Variants in TRIML2 observed in about 807,000 individuals in gnomAD.
The protein encoded by TRIML2 is probable E3 ubiquitin-protein ligase TRIML2.
A neutral mutation model predicts 31.2 loss-of-function variants in TRIML2; 28 were observed. That is an observed-to-expected ratio of 0.90 (90% CI 0.66 to 1.23). The LOEUF (loss-of-function observed/expected upper bound fraction) is 1.23, where lower values mean the gene tolerates loss of function less well. Ranked by LOEUF, TRIML2 falls within the 50% of genes most tolerant of loss-of-function variation. TRIML2 has a pLI of 0.00. For missense variants in TRIML2, 536 were observed against 528.3 expected (o/e 1.01, Z -0.14); for synonymous variants, 187 against 197.5 (o/e 0.95, Z 0.45).
intron 5 of TRIML2, 82 bp downstream of exon 5, chr4:188,098,953 C>A: frequency 1.3e-6 from 2 of 1,485,458 alleles, no homozygotes; most frequent in Non-Finnish European, 9.1e-7. Flanking sequence ...TGTGTTCTGA[C>A]AGCAACCCCT....
chr4:188,104,921 C>T lies in TRIML2; in HGVS notation c.201G>A (p.Gln67=). The change falls in exon 3 of 8, where the codon CAG becomes CAA. Residue 67 remains glutamine, a synonymous_variant. Transcript: ENST00000682553. ...TCTCCCTCGATGTGTTCAATATTTCCTGGAATAACTTCTATAGAGAAAGCA... is the reference window on the plus strand; with the variant it reads ...TCTCCCTCGATGTGTTCAATATTTCTTGGAATAACTTCTATAGAGAAAGCA... ...EAAENYRKLF[Q]EILNTSREKL... is the part of the protein sequence containing the mutation. 3.7e-6 allele frequency: 6 copies of T among 1,613,494 alleles called. No individual in the cohort carries two copies. Among genetic ancestry groups the T allele is most frequent in the Non-Finnish European group, 4.2e-6 (5 of 1,179,554 alleles).
Position 188,105,256 on chromosome 4 carries a change from CAG to C in TRIML2, c.111_112del (p.Cys38GlnfsTer22), listed in dbSNP as rs747458824. On this transcript the variant is annotated frameshift_variant, in exon 2 of 8. Coordinates refer to ENST00000682553, the MANE Select transcript of TRIML2 (RefSeq NM_173553.4). LOFTEE classifies it high-confidence loss of function. ...CTCCTGGGACTGGAAGCATTTGCTG[CAG>C]AGTGTGATTTGGTCAACATCACAGA... The C allele has an allele frequency of 1.2e-6, 2 of 1,612,502 alleles. No homozygotes were observed. The highest frequency in any genetic ancestry group is 1.7e-6 in the Non-Finnish European group (2 of 1,178,740).
intron 7 of TRIML2, 111 bp from the exon 8 acceptor site, chr4:188,092,052 C>G: frequency 4.4e-6 from 5 of 1,130,934 alleles, no homozygotes; most frequent in Non-Finnish European, 6.2e-6. Context: ...GTCCCAGGCC[C>G]AGATACGGGA....
intron 6 of TRIML2, 33 bp from the exon 7 acceptor site, chr4:188,097,194 CA>C: frequency 6.2e-7 from 1 of 1,603,886 alleles, no homozygotes; most frequent in East Asian, 2.2e-5. Context: ...GTCATCTGCA[CA>C]GACCACAGGC....
intron 2 of TRIML2, 120 bp downstream of exon 2, chr4:188,105,060 T>C (rs1733968532): frequency 8.5e-6 from 12 of 1,405,006 alleles, no homozygotes; most frequent in African/African-American, 1.4e-5. Context: ...AACGAACTTA[T>C]CTAATATTCT....
rs1733390289 is a variant in TRIML2 at position 188,094,096 on chromosome 4, A to C, written c.746-2155T>G. ...ACAGAGCCAGACAGCATCTCAAAAA[A>C]CAAAAACAAAAACAAAAACAAAAAC... On this transcript the variant is annotated intron_variant, in intron 7 of 7. Transcript: ENST00000682553. Among the ~76,000 whole-genome samples, 4 of 131,514 alleles carry C rather than the reference A, an allele frequency of 3.0e-5. No homozygotes were observed. In the South Asian group the frequency reaches 7.2e-4, roughly 24 times the overall value. 86.3% of individuals were successfully genotyped at this position (131,514 alleles called of 152,430 possible).
intron 5 of TRIML2, chr4:188,098,197 A>T (rs1402503589): frequency 2.3e-6 from 1 of 436,066 alleles, no homozygotes; most frequent in Non-Finnish European, 4.6e-6. Context: ...AAAATATGCA[A>T]TACTTACCAT....
chr4:188,103,747 G>A (rs986086526), intron 3 of TRIML2, among the ~76,000 whole-genome samples: 1 of 152,080 alleles, frequency 6.6e-6, no homozygotes, highest in Non-Finnish European at 1.5e-5. Flanking sequence ...CAAGTTCCAC[G>A]AAAGCAGAGC....
intron 5 of TRIML2, 131 bp downstream of exon 5, chr4:188,098,904 T>G (rs1733645550): frequency 9.3e-6 from 10 of 1,070,758 alleles, no homozygotes; most frequent in Non-Finnish European, 1.3e-6. Flanking sequence ...TGAAAGAAAG[T>G]CATGTAGCCT....
In TRIML2 at chr4:188,095,939, G is replaced by T. The variant is rs139478333; in HGVS notation, c.745+1122C>A. Among the ~76,000 whole-genome samples the T allele has an allele frequency of 5.6e-3, 849 of 152,306 alleles. 10 individuals carry two copies. The highest frequency in any genetic ancestry group is 0.034 in the Middle Eastern group (10 of 294). On this transcript the variant is annotated intron_variant, in intron 7 of 7. Transcript: ENST00000682553. ...TGCAGTATGCTGTCAGCCTCGAAAGGCCACACACTGTAGGATTCCATCGAT... is the reference window on the plus strand; with the variant it reads ...TGCAGTATGCTGTCAGCCTCGAAAGTCCACACACTGTAGGATTCCATCGAT...
At position 188,091,697 on chromosome 4, in the gene TRIML2, G is replaced by A. The variant is rs763513446; in HGVS notation, c.990C>T (p.Ser330=). 6.2e-7 allele frequency: 1 copy of A among 1,613,238 alleles called. No individual in the cohort carries two copies. Among genetic ancestry groups the A allele is most frequent in the Non-Finnish European group, 8.5e-7 (1 of 1,179,254 alleles). The change falls in exon 8 of 8, where the codon AGC becomes AGT. Residue 330 remains serine (S), a synonymous_variant. Coordinates refer to ENST00000682553, the MANE Select transcript of TRIML2 (RefSeq NM_173553.4). ...CTTTCTCTCCGGAAGCTCTGGCCGT[G>A]CTGCCCTTCGCGTCTGCAGAGCCGT... ...IYHGSADAKG[S]TARASGEKVL... is the part of the protein sequence containing the mutation.
At chr4:188,098,456 C>G (rs527752477) in intron 5 of TRIML2, among the ~76,000 whole-genome samples, 1 of 152,184 alleles carries the variant, frequency 6.6e-6, no homozygotes, top group African/African-American at 2.4e-5. Context: ...CTCCCAATAC[C>G]ATCGCCTTGG....
In TRIML2 at chr4:188,099,144, T is replaced by G. The variant is rs1034055569; in HGVS notation, c.512A>C (p.Glu171Ala). Reference sequence around the variant, plus strand: ...CCTGGCTTCACTCTCCTTCAGTTTCTCCATGTTCTCTCTCCCCACACGGCC... The same window carrying G: ...CCTGGCTTCACTCTCCTTCAGTTTCGCCATGTTCTCTCTCCCCACACGGCC... ...RLGRVGRENM[E>A]KLKESEARAS... is the part of the protein sequence containing the mutation. The change falls in exon 5 of 8, where the codon GAG (glutamate) becomes GCG (alanine). Residue 171 changes from glutamate to alanine, a missense_variant. Glu to Ala is a moderately radical substitution (Grantham distance 107, BLOSUM62 -1). Coordinates refer to ENST00000682553, the MANE Select transcript of TRIML2 (RefSeq NM_173553.4). 6.2e-7 allele frequency: 1 copy of G among 1,612,836 alleles called. No homozygotes were observed. The highest frequency in any genetic ancestry group is 1.3e-5 in the African/African-American group (1 of 74,866).
rs1280521435 is a variant in TRIML2, at chr4:188,105,249, T to C, written c.120A>G (p.Lys40=). ...CDVDQITLCS[K]CFQSQEHKHH... is the part of the protein sequence containing the mutation. ...GTTTGTGCTCCTGGGACTGGAAGCA[T>C]TTGCTGCAGAGTGTGATTTGGTCAA... Residue 40 remains lysine (K), a synonymous_variant, in exon 2 of 8, where the codon AAA becomes AAG. Transcript: ENST00000682553. The C allele has an allele frequency of 6.2e-7, 1 of 1,612,480 alleles. No individual in the cohort carries two copies. Among genetic ancestry groups the C allele is most frequent in the African/African-American group, 1.3e-5 (1 of 75,038 alleles).
At chr4:188,099,237 A>T in intron 4 of TRIML2, 62 bp from the exon 5 acceptor site, 1 of 1,532,456 alleles carries the variant, frequency 6.5e-7, no homozygotes, top group Non-Finnish European at 8.8e-7. Flanking sequence ...GAGTTCGGTA[A>T]CTTCTCCTAT....
chr4:188,104,040 T>C (rs973184975), intron 3 of TRIML2, among the ~76,000 whole-genome samples: 1 of 152,190 alleles, frequency 6.6e-6, no homozygotes, highest in Non-Finnish European at 1.5e-5. Context: ...AAGTGAAATA[T>C]GCCTAACAGG....
chr4:188,103,768 TG>T (rs1733908305), intron 3 of TRIML2, among the ~76,000 whole-genome samples: 1 of 152,222 alleles, frequency 6.6e-6, no homozygotes, highest in Non-Finnish European at 1.5e-5. Flanking sequence ...TGGTTTTTTT[TG>T]TTTTCCATTG....
chr4:188,092,609 G>A (rs772102077), intron 7 of TRIML2, among the ~76,000 whole-genome samples: 55 of 152,220 alleles, frequency 3.6e-4, no homozygotes, highest in Middle Eastern at 3.4e-3. Context: ...CACAGGAGTC[G>A]GCCAGCAGCA....
intron 5 of TRIML2, chr4:188,098,337 GC>G (rs1733619304): frequency 4.9e-6 from 2 of 408,040 alleles, no homozygotes; most frequent in Non-Finnish European, 9.8e-6. Context: ...TCCATCTCCA[GC>G]CTCACAAGCT....
Sources: allele counts gnomAD v4.1 joint callset (sites outside exome capture counted in the v4.1 genomes callset), GRCh38; gene constraint gnomAD v4.1.1; transcripts MANE v1.5; gene names NCBI Gene and HGNC (gene_info 2026-07-23, HGNC 2026-07-21).